Variants in TENM4 observed in about 807,000 individuals in gnomAD.
The protein encoded by TENM4 is teneurin-4.
A neutral mutation model predicts 243.3 loss-of-function variants in TENM4; 82 were observed. That is an observed-to-expected ratio of 0.34 (90% confidence interval 0.28 to 0.40). The LOEUF is 0.40. TENM4 is among the 10% of genes least tolerant of loss of function. TENM4 has a pLI of 1.00. For missense variants in TENM4, 3,138 were observed against 3,673.3 expected, an observed-to-expected ratio of 0.85 and a Z score of 3.77; for synonymous variants, 1,412 against 1,456.3, an observed-to-expected ratio of 0.97 and a Z score of 0.69.
At chr11:79,296,457 G>T (rs961940350) in intron 2 of TENM4, among the ~76,000 whole-genome samples, 3 of 152,196 alleles carry the variant, frequency 2.0e-5, no homozygotes, top group African/African-American at 7.2e-5. Context: ...GCTCACAGCT[G>T]CCTTCACTCT....
intron 9 of TENM4, among the ~76,000 whole-genome samples, chr11:78,877,725 T>C (rs115250047): frequency 0.013 from 1,964 of 152,234 alleles, 39 homozygotes; most frequent in African/African-American, 0.045. Context: ...AATGAATATA[T>C]GAGTAAATGT....
chr11:78,670,065 T>C lies in TENM4; in HGVS notation c.6280A>G (p.Met2094Val), dbSNP rs750979713. The change falls in exon 32 of 34, where the codon ATG (methionine) becomes GTG (valine). Residue 2094 changes from methionine (M) to valine (V), a missense_variant. Met to Val is a conservative substitution (Grantham distance 21, BLOSUM62 1). Coordinates refer to ENST00000278550, the MANE Select transcript of TENM4 (RefSeq NM_001098816.3). ...GGGGTCTCGTTGATCACAGCCTGCATGCTGGTCACCCGGAAGCTGTTGTCA... is the reference window on the plus strand; with the variant it reads ...GGGGTCTCGTTGATCACAGCCTGCACGCTGGTCACCCGGAAGCTGTTGTCA... ...NYDNSFRVTS[M>V]QAVINETPLP... 15 of 1,613,868 alleles carry C rather than the reference T, an allele frequency of 9.3e-6. No homozygotes were observed. Among genetic ancestry groups the C allele is most frequent in the Non-Finnish European group, 1.3e-5 (15 of 1,179,896 alleles).
At chr11:79,178,356 G>A (rs115115943) in intron 3 of TENM4, among the ~76,000 whole-genome samples, 2,369 of 152,222 alleles carry the variant, frequency 0.016, 70 homozygotes, top group African/African-American at 0.055. Context: ...GTCATCGATA[G>A]ATAGATGGGT....
rs1857875255 is a variant in TENM4 at position 78,655,770 on chromosome 11, C to G, written c.*2288G>C. ...GGCAGGAGCACTTTGCCCAAGGGCC[C>G]TTGGTATGAAGAGTACATTTTGAGA... On this transcript the variant is annotated 3_prime_UTR_variant, in exon 34 of 34. Transcript: ENST00000278550. The G allele has an allele frequency of 6.6e-6, 1 of 152,214 alleles. No individual in the cohort carries two copies. Among genetic ancestry groups the G allele is most frequent in the African/African-American group, 2.4e-5 (1 of 41,430 alleles). 9.4% of individuals were successfully genotyped at this position (152,214 alleles called of 1,614,324 possible). A position where few individuals can be genotyped will look rare whatever the true frequency, so the allele number is the denominator to read the frequency against.
intron 1 of TENM4, among the ~76,000 whole-genome samples, chr11:79,304,963 G>A (rs1016401818): frequency 1.3e-5 from 2 of 152,188 alleles, no homozygotes; most frequent in African/African-American, 2.4e-5. Flanking sequence ...TTTCAGCCAG[G>A]CCCACAGAAC....
chr11:79,085,944 A>G (rs946547309), intron 4 of TENM4, among the ~76,000 whole-genome samples: 1 of 152,090 alleles, frequency 6.6e-6, no homozygotes, highest in African/African-American at 2.4e-5. Context: ...AACATCTACT[A>G]TGTACAGTCA....
intron 6 of TENM4, among the ~76,000 whole-genome samples, chr11:78,934,196 G>A (rs981612635): frequency 6.6e-6 from 1 of 152,132 alleles, no homozygotes; most frequent in Non-Finnish European, 1.5e-5. Context: ...CAATATTGGG[G>A]CTTTGATGCA....
intron 12 of TENM4, among the ~76,000 whole-genome samples, chr11:78,823,928 T>C (rs1351532261): frequency 6.6e-6 from 1 of 152,208 alleles, no homozygotes; most frequent in Non-Finnish European, 1.5e-5. Context: ...TACAGTTTTA[T>C]TTCATTCCTA....
At chr11:79,389,853 A>G (rs1858193929) in intron 1 of TENM4, among the ~76,000 whole-genome samples, 1 of 152,226 alleles carries the variant, frequency 6.6e-6, no homozygotes, top group Non-Finnish European at 1.5e-5. Flanking sequence ...CTCTCTTATT[A>G]GGTAAGTACT....
intron 1 of TENM4, among the ~76,000 whole-genome samples, chr11:79,310,945 T>A (rs183760186): frequency 4.1e-4 from 63 of 152,336 alleles, no homozygotes; most frequent in East Asian, 1.2e-3. Context: ...AAATTATTAT[T>A]TAAACATTAT....
intron 4 of TENM4, among the ~76,000 whole-genome samples, chr11:79,077,182 C>G (rs1186356836): frequency 6.6e-6 from 1 of 152,130 alleles, no homozygotes; most frequent in Non-Finnish European, 1.5e-5. Flanking sequence ...TGTGCCAAGC[C>G]TTGTTGGAGG....
chr11:79,417,260 C>A (rs1858837120), intron 1 of TENM4, among the ~76,000 whole-genome samples: 1 of 152,200 alleles, frequency 6.6e-6, no homozygotes, highest in Non-Finnish European at 1.5e-5. Context: ...TAAGTCCTGG[C>A]ACCAAGGGCA....
intron 3 of TENM4, among the ~76,000 whole-genome samples, chr11:79,172,936 T>C (rs549330156): frequency 2.0e-5 from 3 of 152,310 alleles, no homozygotes; most frequent in African/African-American, 7.2e-5. Context: ...CCACCGTGCC[T>C]GGCCCTCGTC....
intron 9 of TENM4, 41 bp downstream of exon 9, chr11:78,889,744 C>A (rs767410128): frequency 3.2e-6 from 5 of 1,542,944 alleles, no homozygotes; most frequent in Non-Finnish European, 4.4e-6. Flanking sequence ...GCCCTCTGGG[C>A]CAAAGAGGAG....
rs774156074 is a variant in TENM4, at chr11:78,903,370, G to C, written c.647C>G (p.Thr216Arg). 7 of 1,515,594 alleles carry C rather than the reference G, an allele frequency of 4.6e-6. 1 individual carries two copies. In the South Asian group the frequency reaches 6.2e-5, roughly 14 times the overall value. 93.9% of individuals were successfully genotyped at this position (1,515,594 alleles called of 1,614,324 possible). Residue 216 changes from threonine (T) to arginine (R), a missense_variant, in exon 7 of 34, where the codon ACG becomes AGG. Thr to Arg is a moderately conservative substitution (Grantham distance 71). Around this residue, in one of 2 missense-constraint regions of TENM4, gnomAD observed 671 missense variants for 614.1 expected, o/e 1.09. Transcript: ENST00000278550. ...GGGCTCTCCGGAGAGCGAGTGGTCC[G>C]TGGGGGCCGGGCTGGGGTTGCTCCT... Reference protein sequence around the residue: ...TPRSNPSPAPTDHSLSGEPPA... With the variant: ...TPRSNPSPAPRDHSLSGEPPA...
At chr11:79,312,358 G>GA (rs923921026) in intron 1 of TENM4, among the ~76,000 whole-genome samples, 1 of 152,136 alleles carries the variant, frequency 6.6e-6, no homozygotes, top group African/African-American at 2.4e-5. Context: ...ATAATTGCAG[G>GA]AAAAAACAGG....
intron 2 of TENM4, among the ~76,000 whole-genome samples, chr11:79,218,822 G>A (rs1371767522): frequency 6.6e-6 from 1 of 152,170 alleles, no homozygotes; most frequent in African/African-American, 2.4e-5. Context: ...GTTTTTAAAA[G>A]TATTTATATG....
intron 6 of TENM4, among the ~76,000 whole-genome samples, chr11:79,042,214 G>A (rs1379785708): frequency 6.6e-6 from 1 of 152,302 alleles, no homozygotes; most frequent in East Asian, 1.9e-4. Context: ...TGGATTTAGA[G>A]GTTCCACAGG....
chr11:79,016,295 T>A (rs1221494532), intron 6 of TENM4, among the ~76,000 whole-genome samples: 1 of 152,026 alleles, frequency 6.6e-6, no homozygotes, highest in Non-Finnish European at 1.5e-5. Flanking sequence ...GAGAGAAAAG[T>A]GAACCTGGGA....
Sources: allele counts gnomAD v4.1 joint callset (sites outside exome capture counted in the v4.1 genomes callset), GRCh38; gene constraint gnomAD v4.1.1; regional missense constraint gnomAD v4.1.1; transcripts MANE v1.5; gene names NCBI Gene and HGNC (gene_info 2026-07-23, HGNC 2026-07-21).